Variants in GPHN observed in about 807,000 individuals in gnomAD.
The protein encoded by GPHN is gephyrin.
GPHN carries 17 observed loss-of-function variants against 95.5 expected under a neutral mutation model. That is an observed-to-expected ratio of 0.18 (90% CI 0.12 to 0.27). The LOEUF (loss-of-function observed/expected upper bound fraction) is 0.27, where lower values mean the gene tolerates loss of function less well. Among genes scored for constraint, GPHN ranks in the 10% least tolerant of loss-of-function variants. GPHN has a pLI of 1.00. For synonymous variants in GPHN, 320 were observed against 322.5 expected, an observed-to-expected ratio of 0.99 and a Z score of 0.08; for missense variants, 660 against 978.1, an observed-to-expected ratio of 0.67 and a Z score of 4.34.
At chr14:67,631,709 G>A in the GPHN span, among the ~76,000 whole-genome samples, 4 of 152,074 alleles carry the variant, frequency 2.6e-5, no homozygotes, top group Non-Finnish European at 4.4e-5. Context: ...TGGGATTACA[G>A]GTGTGAGCCA....
the GPHN span, chr14:67,204,828 G>C: frequency 8.7e-6 from 14 of 1,613,872 alleles, no homozygotes; most frequent in Non-Finnish European, 1.1e-5. Context: ...TCCTGACCCC[G>C]TACATGTATG....
chr14:66,722,367 A>G (rs1189162272), intron 2 of GPHN, among the ~76,000 whole-genome samples: 2 of 152,212 alleles, frequency 1.3e-5, no homozygotes, highest in African/African-American at 4.8e-5. Context: ...GTAATCCAAG[A>G]AAAGTATGTC....
intron 6 of GPHN, among the ~76,000 whole-genome samples, chr14:66,918,640 G>C (rs2066040403): frequency 6.6e-6 from 1 of 152,026 alleles, no homozygotes; most frequent in Non-Finnish European, 1.5e-5. Context: ...TTCTTTTCCT[G>C]ATCCCTTTCC....
intron 1 of GPHN, among the ~76,000 whole-genome samples, chr14:66,551,760 T>G (rs759077753): frequency 1.5e-4 from 23 of 152,150 alleles, no homozygotes; most frequent in Non-Finnish European, 3.1e-4. Context: ...ATGTCTTACA[T>G]GGCCAGAGCA....
rs553441099 is a variant in GPHN at position 66,557,212 on chromosome 14, G to C, written c.64+48621G>C. On this transcript the variant is annotated intron_variant, in intron 1 of 22. Transcript: ENST00000478722. Reference sequence around the variant, plus strand: ...ACAAAGCATGACCCTGTCTGAAATAGATAGATAGATAGATACATAGGTAGG... The same window carrying C: ...ACAAAGCATGACCCTGTCTGAAATACATAGATAGATAGATACATAGGTAGG... Among the ~76,000 whole-genome samples, 79 of 145,290 alleles carry C rather than the reference G, an allele frequency of 5.4e-4. No individual in the cohort carries two copies. The Middle Eastern group carries it at 0.01, about 19-fold the overall frequency.
rs1450250571 is a variant in GPHN at position 66,564,350 on chromosome 14, A to T, written c.64+55759A>T. Among the ~76,000 whole-genome samples the T allele has an allele frequency of 2.6e-5, 4 of 152,324 alleles. No individual in the cohort carries two copies. In the East Asian group the frequency reaches 7.7e-4, roughly 29 times the overall value. On this transcript the variant is annotated intron_variant, in intron 1 of 22. Transcript: ENST00000478722. The stretch of plus-strand genomic sequence containing the variant: ...TTTGAATATCAAAAAACTTGGAAAG[A>T]CAAAGTCACTGAATAAAAAAATTTT...
At chr14:66,574,493 T>C (rs1167317392) in intron 1 of GPHN, among the ~76,000 whole-genome samples, 1 of 152,228 alleles carries the variant, frequency 6.6e-6, no homozygotes, top group African/African-American at 2.4e-5. Flanking sequence ...TACAGTGAGT[T>C]TTATATTTTC....
chr14:66,767,811 CAAT>C (rs1324853232), intron 2 of GPHN, among the ~76,000 whole-genome samples: 9 of 151,830 alleles, frequency 5.9e-5, no homozygotes, highest in East Asian at 3.8e-4. Context: ...CAACATACAA[CAAT>C]GTTTGTATGT....
chr14:67,064,905 T>G (rs1026863913), intron 11 of GPHN, among the ~76,000 whole-genome samples: 1 of 152,242 alleles, frequency 6.6e-6, no homozygotes, highest in Non-Finnish European at 1.5e-5. Flanking sequence ...ATTGATTTTT[T>G]GAAGGGTTTT....
At chr14:67,575,452 T>G in the GPHN span, 1 of 1,606,222 alleles carries the variant, frequency 6.2e-7, no homozygotes, top group Non-Finnish European at 8.5e-7. Context: ...CTTCTACTAC[T>G]ATCGGAGCCA....
chr14:66,969,136 A>G (rs557481024), intron 9 of GPHN: 1 of 152,260 alleles, frequency 6.6e-6, no homozygotes, highest in South Asian at 2.1e-4. Flanking sequence ...CTGAAATTAT[A>G]TCGTATATAG....
At chr14:67,313,123 C>G in the GPHN span, among the ~76,000 whole-genome samples, 1 of 152,088 alleles carries the variant, frequency 6.6e-6, no homozygotes, top group Non-Finnish European at 1.5e-5. Context: ...TTGTACCAAA[C>G]GTGATCTTAG....
In GPHN at chr14:66,857,009, A is replaced by G. The variant is rs79132473; in HGVS notation, c.295-22930A>G. On this transcript the variant is annotated intron_variant, in intron 4 of 22. Transcript: ENST00000478722. The stretch of plus-strand genomic sequence containing the variant: ...AAAACCAACAAATACAATAAAGCTG[A>G]AACACTGGATAAATTCTTACTAAAG... 7.0e-3 allele frequency among the ~76,000 whole-genome samples: 1,072 copies of G among 152,252 alleles called. 5 individuals are homozygous for G. The highest frequency in any genetic ancestry group is 0.025 in the African/African-American group (1,024 of 41,574).
intron 5 of GPHN, among the ~76,000 whole-genome samples, chr14:66,884,792 A>ATG (rs577117525): frequency 8.1e-4 from 118 of 145,994 alleles, no homozygotes; most frequent in East Asian, 2.9e-3. Flanking sequence ...ACTCACACAT[A>ATG]TGTGTGTGTG....
chr14:67,133,176 T>G (rs1251734993), intron 17 of GPHN, among the ~76,000 whole-genome samples: 2 of 124,942 alleles, frequency 1.6e-5, no homozygotes, highest in African/African-American at 9.8e-5. Flanking sequence ...CTGAAGAAAC[T>G]ATGATATGAT....
chr14:66,726,210 CA>C (rs1183507961), intron 2 of GPHN, among the ~76,000 whole-genome samples: 1 of 152,168 alleles, frequency 6.6e-6, no homozygotes, highest in African/African-American at 2.4e-5. Context: ...TATTTATAAA[CA>C]TGTACTACTG....
At chr14:67,040,468 C>CATTG (rs1457896796) in intron 10 of GPHN, among the ~76,000 whole-genome samples, 1 of 152,112 alleles carries the variant, frequency 6.6e-6, no homozygotes, top group African/African-American at 2.4e-5. Flanking sequence ...AGGAAATGAA[C>CATTG]ATTGCCACAA....
chr14:67,362,730 C>T, the GPHN span, among the ~76,000 whole-genome samples: 33 of 151,772 alleles, frequency 2.2e-4, no homozygotes, highest in South Asian at 1.0e-3. Flanking sequence ...TTCGATATTG[C>T]GGAATGATTT....
chr14:67,056,662 T>C (rs1405232843), intron 10 of GPHN, among the ~76,000 whole-genome samples: 6 of 152,204 alleles, frequency 3.9e-5, no homozygotes, highest in African/African-American at 7.2e-5. Flanking sequence ...CCAGCTGGCT[T>C]CACCTAGTGG....
Sources: allele counts gnomAD v4.1 joint callset (sites outside exome capture counted in the v4.1 genomes callset), GRCh38; gene constraint gnomAD v4.1.1; transcripts MANE v1.5; gene names NCBI Gene and HGNC (gene_info 2026-07-23, HGNC 2026-07-21).